The following SDK2 variants were observed in gnomAD, a reference collection of about 807,000 sequenced individuals.
The protein encoded by SDK2 is sidekick cell adhesion molecule 2.
Under a neutral mutation model 253.9 loss-of-function variants are expected in SDK2, and 105 were observed. The observed-to-expected ratio is 0.41, with a 90% confidence interval of 0.35 to 0.49. The LOEUF (loss-of-function observed/expected upper bound fraction) is 0.49. Among genes scored for constraint, SDK2 ranks in the 20% least tolerant of loss-of-function variants. The pLI, the probability that SDK2 is intolerant of heterozygous loss-of-function variation, is 0.06. For synonymous variants in SDK2, 1,249 were observed against 1,234.9 expected (o/e 1.01, Z -0.24); for missense variants, 2,608 against 3,003.0 (o/e 0.87, Z 3.07).
At chr17:73,519,760 G>A (rs1293190719) in intron 1 of SDK2, 1 of 152,178 alleles carries the variant, frequency 6.6e-6, no homozygotes, top group Non-Finnish European at 1.5e-5. Context: ...GGCTGCGTTT[G>A]GAGCCCAGGA....
intron 42 of SDK2, 122 bp downstream of exon 42, chr17:73,350,528 C>T: frequency 4.3e-6 from 6 of 1,405,184 alleles, no homozygotes; most frequent in Non-Finnish European, 5.7e-6. Context: ...TAGGCTGCCC[C>T]ACCCACCAGA....
intron 1 of SDK2, among the ~76,000 whole-genome samples, chr17:73,584,786 C>A (rs1346983903): frequency 1.3e-5 from 2 of 152,244 alleles, no homozygotes; most frequent in African/African-American, 4.8e-5. Flanking sequence ...TGCTTCTCCC[C>A]CTTCTGCCTG....
chr17:73,343,295 G>A (rs962597145), intron 44 of SDK2, among the ~76,000 whole-genome samples: 1 of 152,250 alleles, frequency 6.6e-6, no homozygotes, highest in Non-Finnish European at 1.5e-5. Flanking sequence ...CCAGGCAGGC[G>A]AGAGTCTGGT....
chr17:73,540,871 G>C (rs1239443392), intron 1 of SDK2, among the ~76,000 whole-genome samples: 2 of 152,232 alleles, frequency 1.3e-5, no homozygotes, highest in African/African-American at 2.4e-5. Context: ...CACTTGACAG[G>C]AGATAAGTGG....
chr17:73,634,541 C>T (rs1193446549), intron 1 of SDK2, among the ~76,000 whole-genome samples: 2 of 152,190 alleles, frequency 1.3e-5, no homozygotes, highest in Non-Finnish European at 2.9e-5. Flanking sequence ...TAAGGCTGAA[C>T]AGCTGATAAT....
At chr17:73,533,446 A>G (rs906023257) in intron 1 of SDK2, among the ~76,000 whole-genome samples, 3 of 152,202 alleles carry the variant, frequency 2.0e-5, no homozygotes, top group Non-Finnish European at 4.4e-5. Flanking sequence ...TTTGTGTCCC[A>G]GCAAGAGTGC....
rs2063461392 is a variant in SDK2 at position 73,447,527 on chromosome 17, A to C, written c.613+88T>G. The C allele has an allele frequency of 5.3e-6, 8 of 1,506,980 alleles. No homozygotes were observed. The highest frequency in any genetic ancestry group is 1.4e-5 in the African/African-American group (1 of 71,650). 93.4% of individuals were successfully genotyped at this position (1,506,980 alleles called of 1,614,324 possible). The stretch of plus-strand genomic sequence containing the variant: ...AGCTTCCCTGTCCCCCTCCTCTGCC[A>C]CTCCATCTTCCCAATGATCCCCTGG... On this transcript the variant is annotated intron_variant, in intron 5 of 44. Transcript: ENST00000392650. This position sits in a 1 kb window ranked among gnomAD's most constrained non-coding sequence, Gnocchi z 4.0.
chr17:73,476,269 G>A (rs2063685285), intron 2 of SDK2, among the ~76,000 whole-genome samples: 1 of 152,130 alleles, frequency 6.6e-6, no homozygotes, highest in African/African-American at 2.4e-5. Flanking sequence ...AAATACACAA[G>A]CACAAACGCA....
chr17:73,463,528 C>A (rs2063577964), intron 3 of SDK2, among the ~76,000 whole-genome samples: 1 of 152,124 alleles, frequency 6.6e-6, no homozygotes. Flanking sequence ...CCCTGGATCT[C>A]CCCCCTTCCC....
Position 73,379,253 on chromosome 17 carries a change from G to A in SDK2, c.4904C>T (p.Ala1635Val). 6.4e-7 allele frequency: 1 copy of A among 1,556,542 alleles called. No homozygotes were observed. The highest frequency in any genetic ancestry group is 8.7e-7 in the Non-Finnish European group (1 of 1,149,660). Residue 1635 changes from alanine (A) to valine (V), a missense_variant, in exon 36 of 45, where the codon GCC becomes GTC. By Grantham distance (64) the Ala-to-Val change is moderately conservative (BLOSUM62 0). Around this residue, in one of 2 missense-constraint regions of SDK2, gnomAD observed 1,103 missense variants for 1,143.9 expected, o/e 0.96. Coordinates refer to ENST00000392650, the MANE Select transcript of SDK2 (RefSeq NM_001144952.2). The surrounding 1 kb of genome is among the most constrained non-coding windows in gnomAD (Gnocchi z 4.5). Reference sequence around the variant, plus strand: ...AGTCACGTCCAGCTGTGTGGCCGTGGCGCCGTGGACGACCACGTTACGAGG... The same window carrying A: ...AGTCACGTCCAGCTGTGTGGCCGTGACGCCGTGGACGACCACGTTACGAGG... ...AAPRNVVVHG[A>V]TATQLDVTWE... is the part of the protein sequence containing the mutation.
rs116650958 is a variant in SDK2, at chr17:73,415,434, C to A, written c.2368+377G>T. 9.6e-3 allele frequency among the ~76,000 whole-genome samples: 1,431 copies of A among 149,362 alleles called. 30 individuals are homozygous for A. The highest frequency in any genetic ancestry group is 0.029 in the African/African-American group (1,186 of 40,292). On this transcript the variant is annotated intron_variant, in intron 17 of 44. Coordinates refer to ENST00000392650, the MANE Select transcript of SDK2 (RefSeq NM_001144952.2). ...GTGGCACGATCTCAGCTCATTGCAG[C>A]CTTAACTTCCCCAGGCTCCAGCCTT... is the stretch of plus-strand genomic sequence containing the variant.
chr17:73,576,868 C>T (rs886254729), intron 1 of SDK2, among the ~76,000 whole-genome samples: 12 of 152,194 alleles, frequency 7.9e-5, no homozygotes, highest in African/African-American at 2.9e-4. Context: ...GCCCTATTAG[C>T]GTCCAAAGCA....
intron 4 of SDK2, among the ~76,000 whole-genome samples, chr17:73,450,548 G>A (rs2063483541): frequency 6.6e-6 from 1 of 152,178 alleles, no homozygotes; most frequent in Non-Finnish European, 1.5e-5. Flanking sequence ...GGCACACTGG[G>A]CACAGCTTGG....
chr17:73,502,938 A>C (rs1311223749), intron 2 of SDK2, among the ~76,000 whole-genome samples: 1 of 152,238 alleles, frequency 6.6e-6, no homozygotes, highest in Non-Finnish European at 1.5e-5. Context: ...TAACGGGGCA[A>C]ATTGTCATCA....
At chr17:73,369,368 G>A (rs2062715268) in intron 36 of SDK2, among the ~76,000 whole-genome samples, 1 of 152,202 alleles carries the variant, frequency 6.6e-6, no homozygotes, top group Non-Finnish European at 1.5e-5. Context: ...AGCAGCTGCT[G>A]GTTAACAGGA....
chr17:73,434,159 T>C (rs903793010), intron 9 of SDK2, among the ~76,000 whole-genome samples: 2 of 152,124 alleles, frequency 1.3e-5, no homozygotes, highest in African/African-American at 4.8e-5. Context: ...GCAGCTCCCA[T>C]CCTCCCTGAC....
At position 73,431,598 on chromosome 17, in the gene SDK2, T is replaced by G; in HGVS notation, c.1384A>C (p.Ile462Leu). 6.2e-7 allele frequency: 1 copy of G among 1,612,460 alleles called. No homozygotes were observed. Among genetic ancestry groups the G allele is most frequent in the Non-Finnish European group, 8.5e-7 (1 of 1,179,514 alleles). Residue 462 changes from isoleucine to leucine, a missense_variant, in exon 11 of 45, where the codon ATC becomes CTC. By Grantham distance (5) the Ile-to-Leu change is conservative. Coordinates refer to ENST00000392650, the MANE Select transcript of SDK2 (RefSeq NM_001144952.2). This position sits in a 1 kb window ranked among gnomAD's most constrained non-coding sequence, Gnocchi z 5.6. ...GCATCGGAGATGTGTGTGGGGCTGA[T>G]GAGGAGGCTGCCCGACTCCAGGGGT... ...FTPLESGSLL[I>L]SPTHISDAGT...
In SDK2 at chr17:73,422,267, T is replaced by A. The variant is rs780783425; in HGVS notation, c.2045+20A>T. 1 of 1,612,610 alleles carries A rather than the reference T, an allele frequency of 6.2e-7. No individual in the cohort carries two copies. Among genetic ancestry groups the A allele is most frequent in the South Asian group, 1.1e-5 (1 of 91,032 alleles). On this transcript the variant is annotated intron_variant, in intron 15 of 44. Transcript: ENST00000392650. The stretch of plus-strand genomic sequence containing the variant: ...TGTTGGAGTCCTGGCGACGCCCCTG[T>A]AGAGCGCCAGTGCCCTCACCTCTCG...
At chr17:73,482,705 C>T (rs1172568245) in intron 2 of SDK2, among the ~76,000 whole-genome samples, 1 of 152,228 alleles carries the variant, frequency 6.6e-6, no homozygotes, top group Non-Finnish European at 1.5e-5. Context: ...GTGGTCCCCA[C>T]AGAGGTCTGG....
Sources: allele counts gnomAD v4.1 joint callset (sites outside exome capture counted in the v4.1 genomes callset), GRCh38; gene constraint gnomAD v4.1.1; regional missense constraint gnomAD v4.1.1; non-coding constraint Gnocchi (gnomAD v3.1); transcripts MANE v1.5; gene names NCBI Gene and HGNC (gene_info 2026-07-23, HGNC 2026-07-21).